The following SNX29 variants were observed in gnomAD, a reference collection of about 807,000 sequenced individuals.
The protein encoded by SNX29 is sorting nexin-29.
SNX29 carries 78 observed loss-of-function variants against 102.1 expected under a neutral mutation model. The observed-to-expected ratio is 0.76, with a 90% CI of 0.64 to 0.92. The LOEUF (loss-of-function observed/expected upper bound fraction) is 0.92. SNX29 is among the 40% of genes least tolerant of loss of function. The pLI is 0.00. For missense variants in SNX29, 1,280 were observed against 1,061.7 expected, an observed-to-expected ratio of 1.21 and a Z score of -2.86; for synonymous variants, 580 against 414.5, an observed-to-expected ratio of 1.40 and a Z score of -4.85.
chr16:12,078,690 G>A (rs1325414096), intron 10 of SNX29, 143 bp from the exon 11 acceptor site: 3 of 713,346 alleles, frequency 4.2e-6, no homozygotes, highest in Admixed American at 4.4e-5. Context: ...TGCAGATAAC[G>A]AGGCCTGACT....
intron 11 of SNX29, among the ~76,000 whole-genome samples, chr16:12,117,616 G>A (rs2053788315): frequency 6.6e-6 from 1 of 152,230 alleles, no homozygotes; most frequent in African/African-American, 2.4e-5. Context: ...CAGGGAGGAG[G>A]ATGAAATGGG....
At position 12,420,433 on chromosome 16, in the gene SNX29, G is replaced by A. The variant is rs183376798; in HGVS notation, c.2037+16904G>A. ...TTTCATCTTCTCTTCCAGAGGCCTGGGAGGTGAGGGTGGTGGGAAGCCCGT... is the reference window on the plus strand; with the variant it reads ...TTTCATCTTCTCTTCCAGAGGCCTGAGAGGTGAGGGTGGTGGGAAGCCCGT... On this transcript the variant is annotated intron_variant, in intron 18 of 20. Coordinates refer to ENST00000566228, the MANE Select transcript of SNX29 (RefSeq NM_032167.5). Among the ~76,000 whole-genome samples, 69 of 152,266 alleles carry A rather than the reference G, an allele frequency of 4.5e-4. 1 individual carries two copies. Among genetic ancestry groups the A allele is most frequent in the African/African-American group, 1.5e-3 (64 of 41,552 alleles).
At chr16:12,129,328 T>C (rs1208840930) in intron 12 of SNX29, among the ~76,000 whole-genome samples, 1 of 152,190 alleles carries the variant, frequency 6.6e-6, no homozygotes. Flanking sequence ...TAAAGGGACT[T>C]GGCTGGAATT....
chr16:12,216,431 G>T (rs1293669337), intron 14 of SNX29, among the ~76,000 whole-genome samples: 1 of 152,124 alleles, frequency 6.6e-6, no homozygotes, highest in East Asian at 1.9e-4. Flanking sequence ...TCAGATGAAG[G>T]TACAATGTGA....
chr16:12,568,359 G>A lies in SNX29; in HGVS notation c.2319-147G>A, dbSNP rs17822014. The A allele has an allele frequency of 0.023, 24,122 of 1,062,208 alleles. 353 individuals are homozygous for A. Among genetic ancestry groups the A allele is most frequent in the Non-Finnish European group, 0.027 (20,324 of 747,692 alleles). The allele number at this position is 1,062,208 out of a possible 1,614,324, so 65.8% of individuals were successfully genotyped here. Reference sequence around the variant, plus strand: ...ACAATAGGGGTTTCTCATTTCTTCAGGTGGCACCAGTTAGAGGCAGATCCA... The same window carrying A: ...ACAATAGGGGTTTCTCATTTCTTCAAGTGGCACCAGTTAGAGGCAGATCCA... On this transcript the variant is annotated intron_variant, in intron 20 of 20. Coordinates refer to ENST00000566228, the MANE Select transcript of SNX29 (RefSeq NM_032167.5).
intron 14 of SNX29, among the ~76,000 whole-genome samples, chr16:12,260,395 T>A (rs887575017): frequency 2.4e-4 from 37 of 152,244 alleles, no homozygotes; most frequent in African/African-American, 8.0e-4. Flanking sequence ...TCATCTGTTG[T>A]GCGCCTGGTG....
intron 13 of SNX29, among the ~76,000 whole-genome samples, chr16:12,181,362 T>A (rs781245397): frequency 3.9e-5 from 6 of 152,078 alleles, no homozygotes; most frequent in Non-Finnish European, 8.8e-5. Context: ...AGATGAACAT[T>A]GGTTCGGTCT....
intron 16 of SNX29, 22 bp from the exon 17 acceptor site, chr16:12,398,424 C>G (rs776093536): frequency 3.1e-6 from 5 of 1,613,612 alleles, no homozygotes; most frequent in Non-Finnish European, 4.2e-6. Flanking sequence ...TTTCTCCCCT[C>G]TCCCCCTTCT....
Position 12,339,370 on chromosome 16 carries a change from C to CAAAAAAAAAAAAAA in SNX29, c.1783-16782_1783-16769dup, listed in dbSNP as rs58148692. Among the ~76,000 whole-genome samples, 353 of 56,264 alleles carry CAAAAAAAAAAAAAA rather than the reference C, an allele frequency of 6.3e-3. 23 individuals carry two copies. Among genetic ancestry groups the CAAAAAAAAAAAAAA allele is most frequent in the Non-Finnish European group, 7.1e-3 (239 of 33,702 alleles). 36.9% of individuals were successfully genotyped at this position (56,264 alleles called of 152,430 possible). A position where few individuals can be genotyped will look rare whatever the true frequency, so the allele number is the denominator to read the frequency against. On this transcript the variant is annotated intron_variant, in intron 15 of 20. Coordinates refer to ENST00000566228, the MANE Select transcript of SNX29 (RefSeq NM_032167.5). ...TGGGCGACAGAGTGAGATTCTGTCT[C>CAAAAAAAAAAAAAA]AAAAAAAAAAAAAAAAAAAAAAAAG...
At chr16:12,524,410 C>G (rs952893826) in intron 19 of SNX29, among the ~76,000 whole-genome samples, 1 of 151,870 alleles carries the variant, frequency 6.6e-6, no homozygotes, top group South Asian at 2.1e-4. Flanking sequence ...CCCCCAGCAC[C>G]ACATTCGGCA....
chr16:12,307,564 A>G (rs949629011), intron 15 of SNX29, among the ~76,000 whole-genome samples: 1 of 152,218 alleles, frequency 6.6e-6, no homozygotes, highest in Non-Finnish European at 1.5e-5. Context: ...GAAGCTTAAT[A>G]GGTGTCAAAC....
intron 11 of SNX29, among the ~76,000 whole-genome samples, chr16:12,101,532 C>T (rs904385035): frequency 6.6e-6 from 1 of 151,890 alleles, no homozygotes; most frequent in Non-Finnish European, 1.5e-5. Context: ...TACAGGCATG[C>T]ACCACCATGC....
chr16:12,418,016 C>T (rs192282867), intron 18 of SNX29, among the ~76,000 whole-genome samples: 9 of 152,222 alleles, frequency 5.9e-5, no homozygotes, highest in East Asian at 3.9e-4. Context: ...CCGCAGGGCA[C>T]GTTTTTCTCT....
At chr16:12,516,390 G>A (rs1243330958) in intron 19 of SNX29, among the ~76,000 whole-genome samples, 1 of 151,792 alleles carries the variant, frequency 6.6e-6, no homozygotes, top group Non-Finnish European at 1.5e-5. Flanking sequence ...TGAGGCAGGA[G>A]GATTGCTTGA....
chr16:12,419,570 C>G (rs35541684), intron 18 of SNX29, among the ~76,000 whole-genome samples: 105 of 151,810 alleles, frequency 6.9e-4, no homozygotes, highest in East Asian at 1.2e-3. Flanking sequence ...CAGCCCCCCC[C>G]CCCATCTTTC....
chr16:11,995,311 C>A (rs1353709463), intron 1 of SNX29, among the ~76,000 whole-genome samples: 1 of 152,158 alleles, frequency 6.6e-6, no homozygotes, highest in Non-Finnish European at 1.5e-5. Context: ...TGTGATCCGT[C>A]CGCTTTGGCC....
chr16:12,574,277 A>G lies in SNX29; in HGVS notation c.*5648A>G, dbSNP rs117030210. ...CAAATTGTGACATTTTATAAATTAG[A>G]TACTTCAGTGGATGGTCTCTGTCTC... On this transcript the variant is annotated 3_prime_UTR_variant, in exon 21 of 21. Transcript: ENST00000566228. The G allele has an allele frequency of 7.4e-4, 128 of 173,230 alleles. 2 individuals are homozygous for G. The South Asian group carries it at 0.015, about 20-fold the overall frequency. 10.7% of individuals were successfully genotyped at this position (173,230 alleles called of 1,614,324 possible).
At chr16:12,212,874 G>T (rs1472701103) in intron 14 of SNX29, among the ~76,000 whole-genome samples, 1 of 152,208 alleles carries the variant, frequency 6.6e-6, no homozygotes, top group Non-Finnish European at 1.5e-5. Context: ...AGCACTTTGG[G>T]AGGCCGAGGT....
At chr16:12,491,499 T>TTGC (rs766699025) in intron 19 of SNX29, among the ~76,000 whole-genome samples, 31 of 109,150 alleles carry the variant, frequency 2.8e-4, no homozygotes, top group South Asian at 7.7e-4. Context: ...TCTCATTTTG[T>TTGC]TGCTGCTGTT....
Sources: allele counts gnomAD v4.1 joint callset (sites outside exome capture counted in the v4.1 genomes callset), GRCh38; gene constraint gnomAD v4.1.1; transcripts MANE v1.5; gene names NCBI Gene and HGNC (gene_info 2026-07-23, HGNC 2026-07-21).